The following CRAMP1 variants were observed in gnomAD, a reference collection of about 807,000 sequenced individuals.
CRAMP1 encodes protein cramped-like.
A neutral mutation model predicts 115.4 loss-of-function variants in CRAMP1; 50 were observed. That is an observed-to-expected ratio of 0.43 (90% CI 0.35 to 0.55). The LOEUF is 0.55. CRAMP1 is among the 20% of genes least tolerant of loss of function. The pLI is 0.01. For missense variants in CRAMP1, 1,679 were observed against 1,721.7 expected (o/e 0.98, Z 0.44); for synonymous variants, 866 against 745.4 (o/e 1.16, Z -2.64).
intron 6 of CRAMP1, among the ~76,000 whole-genome samples, chr16:1,648,632 T>C (rs2036696691): frequency 6.6e-6 from 1 of 151,700 alleles, no homozygotes; most frequent in South Asian, 2.1e-4. Flanking sequence ...ATTGACTCCA[T>C]GCTTAATGAC....
rs2036878865 is a variant in CRAMP1 at position 1,666,620 on chromosome 16, C to T, written c.3036+20C>T. 4 of 1,605,424 alleles carry T rather than the reference C, an allele frequency of 2.5e-6. No homozygotes were observed. Among genetic ancestry groups the T allele is most frequent in the South Asian group, 1.1e-5 (1 of 90,914 alleles). On this transcript the variant is annotated intron_variant, in intron 16 of 20. Coordinates refer to ENST00000397412, the MANE Select transcript of CRAMP1 (RefSeq NM_020825.4). This position sits in a 1 kb window ranked among gnomAD's most constrained non-coding sequence, Gnocchi z 5.0. ...GTGGGGGTGAGTATGTTTAGAAGGG[C>T]TTTTCAGCATTACCACCAACTTCTG...
At chr16:1,662,954 T>A (rs1400243798) in intron 13 of CRAMP1, 119 bp downstream of exon 13, 6 of 724,180 alleles carry the variant, frequency 8.3e-6, no homozygotes, top group Non-Finnish European at 9.2e-6. Flanking sequence ...GCCCCTTCCT[T>A]CCCTCTTGTG....
chr16:1,630,956 G>A (rs903933761), intron 3 of CRAMP1, among the ~76,000 whole-genome samples: 2 of 152,190 alleles, frequency 1.3e-5, no homozygotes, highest in Admixed American at 6.5e-5. Context: ...TGCCTTGGTC[G>A]CTGCCCTCAG....
chr16:1,654,944 G>A (rs986155758), intron 8 of CRAMP1, among the ~76,000 whole-genome samples: 2 of 152,236 alleles, frequency 1.3e-5, no homozygotes, highest in Admixed American at 6.5e-5. Flanking sequence ...CAGCACCCAC[G>A]CCCACGCCCT....
rs886369335 is a variant in CRAMP1 at position 1,620,896 on chromosome 16, G to T, written c.347-5077G>T. ...GTTCTTGCTGCCTGGTGACTTCGGG[G>T]CTTCTAAAGCCTCAGTTTCCCCCAT... On this transcript the variant is annotated intron_variant, in intron 2 of 20. Coordinates refer to ENST00000397412, the MANE Select transcript of CRAMP1 (RefSeq NM_020825.4). Among the ~76,000 whole-genome samples, 7 of 151,856 alleles carry T rather than the reference G, an allele frequency of 4.6e-5. No homozygotes were observed. In the East Asian group the frequency reaches 1.4e-3, roughly 29 times the overall value.
chr16:1,639,440 C>G (rs2036614366), intron 5 of CRAMP1, among the ~76,000 whole-genome samples: 1 of 150,980 alleles, frequency 6.6e-6, no homozygotes, highest in South Asian at 2.1e-4. Context: ...TGGTGTACAC[C>G]CTATGTAAAT....
At chr16:1,617,118 C>G (rs988113312) in intron 2 of CRAMP1, among the ~76,000 whole-genome samples, 3 of 152,224 alleles carry the variant, frequency 2.0e-5, no homozygotes, top group African/African-American at 7.2e-5. Flanking sequence ...GCCACCGCTC[C>G]TGGCCACAAG....
Position 1,666,184 on chromosome 16 carries a change from CTG to C in CRAMP1, c.2857+9_2857+10del, listed in dbSNP as rs2036874456. ...GCCACGAGTCACCTGGCCAGTAAGT[CTG>C]TACCTGCATGGCCACAGCCACTGAG... On this transcript the variant is annotated splice_region_variant and intron_variant, in intron 15 of 20. Coordinates refer to ENST00000397412, the MANE Select transcript of CRAMP1 (RefSeq NM_020825.4). The surrounding 1 kb of genome is among the most constrained non-coding windows in gnomAD (Gnocchi z 5.0). 1.3e-6 allele frequency: 2 copies of C among 1,581,840 alleles called. No homozygotes were observed. The highest frequency in any genetic ancestry group is 4.5e-5 in the East Asian group (2 of 44,148).
rs1447871763 is a variant in CRAMP1, at chr16:1,656,640, G to A, written c.1883G>A (p.Cys628Tyr). The A allele has an allele frequency of 1.3e-6, 2 of 1,579,114 alleles. No homozygotes were observed. The highest frequency in any genetic ancestry group is 2.3e-5 in the East Asian group (1 of 42,836). Residue 628 changes from cysteine (C) to tyrosine (Y), a missense_variant, in exon 10 of 21, where the codon TGC becomes TAC. Cys to Tyr is a radical substitution (Grantham distance 194). This residue lies in a region of CRAMP1 where 405 missense variants were observed against 302.6 expected (regional missense o/e 1.34). Coordinates refer to ENST00000397412, the MANE Select transcript of CRAMP1 (RefSeq NM_020825.4). The surrounding 1 kb of genome is among the most constrained non-coding windows in gnomAD (Gnocchi z 5.6). Reference sequence around the variant, plus strand: ...GGCCCCGGGCTCCTGCTGGATGTTTGCACTAAAGACTTGGCAGATGCACCT... The same window carrying A: ...GGCCCCGGGCTCCTGCTGGATGTTTACACTAAAGACTTGGCAGATGCACCT... ...RPGPGLLLDV[C>Y]TKDLADAPAE...
rs2142213518 is a variant in CRAMP1, at chr16:1,675,380, C to T, written c.*1335C>T. The T allele has an allele frequency of 6.6e-6, 1 of 152,666 alleles. No individual in the cohort carries two copies. Among genetic ancestry groups the T allele is most frequent in the South Asian group, 2.1e-4 (1 of 4,830 alleles). The allele number at this position is 152,666 out of a possible 1,614,324, so 9.5% of individuals were successfully genotyped here. A position where few individuals can be genotyped will look rare whatever the true frequency, so the allele number is the denominator to read the frequency against. Reference sequence around the variant, plus strand: ...TGTGCCGCCATCTCTCCCTTCCTGCCTCATTTCATCCCCCGCAGCAGCCGG... The same window carrying T: ...TGTGCCGCCATCTCTCCCTTCCTGCTTCATTTCATCCCCCGCAGCAGCCGG... On this transcript the variant is annotated 3_prime_UTR_variant, in exon 21 of 21. Coordinates refer to ENST00000397412, the MANE Select transcript of CRAMP1 (RefSeq NM_020825.4).
intron 6 of CRAMP1, among the ~76,000 whole-genome samples, chr16:1,644,244 A>T (rs1391190100): frequency 6.6e-6 from 1 of 152,184 alleles, no homozygotes; most frequent in African/African-American, 2.4e-5. Flanking sequence ...TCCTCCAGAG[A>T]GGTGTGAGAC....
rs902896957 is a variant in CRAMP1, at chr16:1,677,840, C to G, written c.*3795C>G. On this transcript the variant is annotated 3_prime_UTR_variant, in exon 21 of 21. Transcript: ENST00000397412. The stretch of plus-strand genomic sequence containing the variant: ...TAATATAATAAGAGCTGTTAAACTT[C>G]TGTTTAAATTTCCAGTTCAACTTGT... 1 of 154,062 alleles carries G rather than the reference C, an allele frequency of 6.5e-6. No individual in the cohort carries two copies. Among genetic ancestry groups the G allele is most frequent in the African/African-American group, 2.4e-5 (1 of 41,548 alleles). 9.5% of individuals were successfully genotyped at this position (154,062 alleles called of 1,614,324 possible).
chr16:1,662,580 C>T lies in CRAMP1; in HGVS notation c.2504C>T (p.Thr835Ile). Residue 835 changes from threonine to isoleucine, a missense_variant, in exon 12 of 21, where the codon ACA becomes ATA. Physicochemically the swap from Thr to Ile is moderately conservative, Grantham distance 89. Coordinates refer to ENST00000397412, the MANE Select transcript of CRAMP1 (RefSeq NM_020825.4). ...DSDGGLFAVP[T>I]TLPPNSRHGK... ...GATGGAGGCCTTTTTGCTGTCCCGA[C>T]AACCTTGCCACCCAACAGCCGACAC... is the stretch of plus-strand genomic sequence containing the variant. The T allele has an allele frequency of 1.2e-5, 20 of 1,613,992 alleles. No individual in the cohort carries two copies. The highest frequency in any genetic ancestry group is 1.7e-5 in the Non-Finnish European group (20 of 1,179,852).
rs776198899 is a variant in CRAMP1 at position 1,667,947 on chromosome 16, CCTGTCTCCCAGCAGGGCTCAT to C, written c.3103-10_3113del. On this transcript the variant is annotated splice_acceptor_variant and splice_polypyrimidine_tract_variant and coding_sequence_variant and intron_variant, in exon 18 of 21. Coordinates refer to ENST00000397412, the MANE Select transcript of CRAMP1 (RefSeq NM_020825.4). LOFTEE classifies it high-confidence loss of function. Reference sequence around the variant, plus strand: ...TAGACCTGGTTGTGTCTGAAAAATACCTGTCTCCCAGCAGGGCTCATCTGTTCTCTCCTTATCTGAGCTGCC... The same window carrying C: ...TAGACCTGGTTGTGTCTGAAAAATACCTGTTCTCTCCTTATCTGAGCTGCC... The C allele has an allele frequency of 9.1e-6, 14 of 1,539,832 alleles. No individual in the cohort carries two copies. The South Asian group carries it at 1.4e-4, about 15-fold the overall frequency.
At chr16:1,658,015 G>A (rs2036790804) in intron 10 of CRAMP1, among the ~76,000 whole-genome samples, 1 of 152,206 alleles carries the variant, frequency 6.6e-6, no homozygotes, top group Admixed American at 6.5e-5. Flanking sequence ...CACACCCACT[G>A]CTCCACACAG....
rs559396187 is a variant in CRAMP1 at position 1,670,040 on chromosome 16, G to C, written c.3500-624G>C. Among the ~76,000 whole-genome samples the C allele has an allele frequency of 5.3e-5, 8 of 152,230 alleles. No individual in the cohort carries two copies. In the South Asian group the frequency reaches 1.7e-3, roughly 32 times the overall value. On this transcript the variant is annotated intron_variant, in intron 19 of 20. Coordinates refer to ENST00000397412, the MANE Select transcript of CRAMP1 (RefSeq NM_020825.4). ...AGCACTTTGGGAGGCCAAGGTAGGA[G>C]GACTGCTTGAGGCCAGGAGTTTGAG... is the stretch of plus-strand genomic sequence containing the variant.
rs990764203 is a variant in CRAMP1, at chr16:1,672,481, G to C, written c.3646-1400G>C. ...GCATGAAGGGGGCGGGGGTGGAGCT[G>C]GGTGGCCCTGGGATGAAACGGGTGG... On this transcript the variant is annotated intron_variant, in intron 20 of 20. Coordinates refer to ENST00000397412, the MANE Select transcript of CRAMP1 (RefSeq NM_020825.4). The surrounding 1 kb of genome is among the most constrained non-coding windows in gnomAD (Gnocchi z 4.9). 1.3e-5 allele frequency among the ~76,000 whole-genome samples: 2 copies of C among 152,118 alleles called. No homozygotes were observed. The highest frequency in any genetic ancestry group is 2.9e-5 in the Non-Finnish European group (2 of 68,030).
At chr16:1,652,683 G>T in intron 7 of CRAMP1, 102 bp downstream of exon 7, 1 of 1,036,516 alleles carries the variant, frequency 9.6e-7, no homozygotes, top group South Asian at 1.4e-5. Context: ...GTTGCTTTGT[G>T]TCTGACCCTG....
intron 7 of CRAMP1, 123 bp downstream of exon 7, chr16:1,652,704 G>A (rs2036735195): frequency 1.2e-6 from 1 of 863,458 alleles, no homozygotes; most frequent in Non-Finnish European, 1.8e-6. Context: ...CTTAATCCCA[G>A]GGCTGCACAT....
Sources: allele counts gnomAD v4.1 joint callset (sites outside exome capture counted in the v4.1 genomes callset), GRCh38; gene constraint gnomAD v4.1.1; regional missense constraint gnomAD v4.1.1; non-coding constraint Gnocchi (gnomAD v3.1); transcripts MANE v1.5; gene names NCBI Gene and HGNC (gene_info 2026-07-23, HGNC 2026-07-21).